The following ARNT2 variants were observed in gnomAD, a reference collection of about 807,000 sequenced individuals.
ARNT2 encodes the protein aryl hydrocarbon receptor nuclear translocator 2, also known as ARNT protein 2.
Under a neutral mutation model 91.7 loss-of-function variants are expected in ARNT2, and 36 were observed. The ratio of observed to expected loss-of-function variants is 0.39; its 90% CI spans 0.30 to 0.52. The LOEUF (loss-of-function observed/expected upper bound fraction) is 0.52. Among genes scored for constraint, ARNT2 ranks in the 20% least tolerant of loss-of-function variants. ARNT2 has a pLI of 0.72. For missense variants in ARNT2, 775 were observed against 939.3 expected (o/e 0.83, Z 2.29); for synonymous variants, 365 against 347.1 (o/e 1.05, Z -0.57).
At chr15:80,576,523 T>C (rs1898677665) in intron 14 of ARNT2, among the ~76,000 whole-genome samples, 1 of 152,188 alleles carries the variant, frequency 6.6e-6, no homozygotes, top group East Asian at 1.9e-4. Flanking sequence ...GTGATCCGCC[T>C]GCCTCAGCCT....
chr15:80,559,571 A>G (rs1275676491), intron 11 of ARNT2, among the ~76,000 whole-genome samples: 1 of 152,232 alleles, frequency 6.6e-6, no homozygotes, highest in Non-Finnish European at 1.5e-5. Flanking sequence ...AAGCACTTGA[A>G]TAGCCCAGAC....
intron 15 of ARNT2, 120 bp from the exon 16 acceptor site, chr15:80,580,291 C>T (rs1450109426): frequency 7.1e-6 from 9 of 1,264,346 alleles, no homozygotes; most frequent in East Asian, 4.7e-5. Flanking sequence ...TCTCTAGTGA[C>T]GTGCTGCATG....
intron 5 of ARNT2, among the ~76,000 whole-genome samples, chr15:80,487,020 C>T (rs1355269258): frequency 6.6e-6 from 1 of 152,136 alleles, no homozygotes; most frequent in African/African-American, 2.4e-5. Flanking sequence ...CTGAAGCTAC[C>T]CTAGGTGGGA....
rs150964641 is a variant in ARNT2 at position 80,563,151 on chromosome 15, T to A, written c.1228T>A (p.Trp410Arg). 233 of 1,613,610 alleles carry A rather than the reference T, an allele frequency of 1.4e-4. No homozygotes were observed. Among genetic ancestry groups the A allele is most frequent in the Non-Finnish European group, 1.5e-4 (175 of 1,179,912 alleles). ...TCGATTTCGCACCAAGAACCGGGAGTGGATGTTGATCCGCACCAGCAGCTT... is the reference window on the plus strand; with the variant it reads ...TCGATTTCGCACCAAGAACCGGGAGAGGATGTTGATCCGCACCAGCAGCTT... The part of the protein sequence containing the change: ...MYRFRTKNRE[W>R]MLIRTSSFTF... The change falls in exon 12 of 19, where the codon TGG (tryptophan) becomes AGG (arginine). Residue 410 changes from tryptophan (W) to arginine (R), a missense_variant. Physicochemically the swap from Trp to Arg is moderately radical, Grantham distance 101 (BLOSUM62 -3). Around this residue, in one of 5 missense-constraint regions of ARNT2, gnomAD observed 285 missense variants for 327.2 expected, o/e 0.87. Transcript: ENST00000303329.
In ARNT2 at chr15:80,593,484, G is replaced by A; in HGVS notation, c.2056-116G>A. Reference sequence around the variant, plus strand: ...CGCAGAAGGCTGGGGAGGACCTCTGGGCTGCCCCTTTAGGGATGGCCATGA... The same window carrying A: ...CGCAGAAGGCTGGGGAGGACCTCTGAGCTGCCCCTTTAGGGATGGCCATGA... On this transcript the variant is annotated intron_variant, in intron 18 of 18. Coordinates refer to ENST00000303329, the MANE Select transcript of ARNT2 (RefSeq NM_014862.4). 2.6e-6 allele frequency: 2 copies of A among 775,396 alleles called. 1 individual carries two copies. Among genetic ancestry groups the A allele is most frequent in the South Asian group, 3.5e-5 (2 of 56,814 alleles). The allele number at this position is 775,396 out of a possible 1,614,324, so 48.0% of individuals were successfully genotyped here.
At chr15:80,557,193 C>T (rs1047777714) in intron 11 of ARNT2, among the ~76,000 whole-genome samples, 2 of 152,176 alleles carry the variant, frequency 1.3e-5, no homozygotes. Context: ...TCCCTGCACA[C>T]TCTGCTCCTT....
At chr15:80,561,907 TCTTA>T (rs1898363420) in intron 11 of ARNT2, among the ~76,000 whole-genome samples, 1 of 152,194 alleles carries the variant, frequency 6.6e-6, no homozygotes, top group South Asian at 2.1e-4. Context: ...GCTGTTAATC[TCTTA>T]CTGTTTCTAA....
chr15:80,497,838 C>G (rs778956192), intron 5 of ARNT2, among the ~76,000 whole-genome samples: 1 of 152,186 alleles, frequency 6.6e-6, no homozygotes, highest in Non-Finnish European at 1.5e-5. Flanking sequence ...CTTTACTCAG[C>G]AAGTGAGGAA....
intron 2 of ARNT2, among the ~76,000 whole-genome samples, chr15:80,452,578 T>C (rs914139353): frequency 3.3e-5 from 5 of 152,248 alleles, no homozygotes; most frequent in African/African-American, 1.2e-4. Context: ...TAAATGTCTA[T>C]GTGCACTCTA....
intron 8 of ARNT2, among the ~76,000 whole-genome samples, chr15:80,546,346 C>T (rs1897991329): frequency 6.6e-6 from 1 of 152,224 alleles, no homozygotes; most frequent in Admixed American, 6.5e-5. Flanking sequence ...AAGCCATGCT[C>T]ATGACTTCTG....
rs181563510 is a variant in ARNT2 at position 80,543,605 on chromosome 15, A to G, written c.878-7594A>G. Among the ~76,000 whole-genome samples the G allele has an allele frequency of 5.3e-5, 8 of 152,294 alleles. No homozygotes were observed. The East Asian group carries it at 5.8e-4, about 11-fold the overall frequency. The stretch of plus-strand genomic sequence containing the variant: ...GTATTAGGCCACTTGAAGTTTTCCA[A>G]TGAGATCACTGATACTCATTTTATT... On this transcript the variant is annotated intron_variant, in intron 8 of 18. Transcript: ENST00000303329.
At chr15:80,498,563 G>A (rs1039376922) in intron 5 of ARNT2, among the ~76,000 whole-genome samples, 4 of 152,184 alleles carry the variant, frequency 2.6e-5, no homozygotes, top group Admixed American at 1.3e-4. Flanking sequence ...AACCGTGCCT[G>A]CCATTAGGGG....
intron 15 of ARNT2, among the ~76,000 whole-genome samples, chr15:80,577,187 A>G (rs1898692411): frequency 6.6e-6 from 1 of 152,182 alleles, no homozygotes; most frequent in Admixed American, 6.5e-5. Flanking sequence ...TTGGATGTGA[A>G]CAGCACCAGC....
intron 1 of ARNT2, among the ~76,000 whole-genome samples, chr15:80,407,751 T>C (rs1334748989): frequency 6.6e-6 from 1 of 152,170 alleles, no homozygotes; most frequent in Non-Finnish European, 1.5e-5. Context: ...CCTTTTTGAA[T>C]GACATTTAAG....
chr15:80,450,958 G>C lies in ARNT2; in HGVS notation c.110G>C (p.Gly37Ala). 6.2e-7 allele frequency: 1 copy of C among 1,614,106 alleles called. No homozygotes were observed. Among genetic ancestry groups the C allele is most frequent in the Non-Finnish European group, 8.5e-7 (1 of 1,180,022 alleles). The change falls in exon 2 of 19, where the codon GGG becomes GCG. Residue 37 changes from glycine (G) to alanine (A), a missense_variant. By Grantham distance (60) the Gly-to-Ala change is moderately conservative. Transcript: ENST00000303329. ...MAATGQVRMA[G>A]AMPARGGKRR... The stretch of plus-strand genomic sequence containing the variant: ...GCCACCGGACAGGTGAGGATGGCGG[G>C]GGCCATGCCTGCCCGTGGAGGAAAG...
intron 1 of ARNT2, among the ~76,000 whole-genome samples, chr15:80,410,576 A>G (rs145753766): frequency 1.8e-3 from 272 of 152,262 alleles, no homozygotes; most frequent in Non-Finnish European, 2.6e-3. Flanking sequence ...AGGTTCTCTA[A>G]ATGCTTTCCT....
chr15:80,574,965 G>A, intron 13 of ARNT2, 22 bp from the exon 14 acceptor site: 1 of 1,612,502 alleles, frequency 6.2e-7, no homozygotes, highest in Non-Finnish European at 8.5e-7. Context: ...TTGCTGTTGT[G>A]TTTTATTTAA....
At chr15:80,469,156 G>A (rs1566980967) in intron 3 of ARNT2, among the ~76,000 whole-genome samples, 1 of 152,172 alleles carries the variant, frequency 6.6e-6, no homozygotes, top group Non-Finnish European at 1.5e-5. Flanking sequence ...TTGTCTTAGA[G>A]TCGTTGAACT....
chr15:80,541,658 T>G (rs897330694), intron 8 of ARNT2, among the ~76,000 whole-genome samples: 5 of 152,248 alleles, frequency 3.3e-5, no homozygotes, highest in Non-Finnish European at 7.3e-5. Context: ...AGGATATTTG[T>G]GTTTTTGTTA....
Sources: gnomAD v4.1 joint callset for allele counts (sites outside exome capture counted in the v4.1 genomes callset) on GRCh38, gnomAD v4.1.1 for gene constraint, gnomAD v4.1.1 regional missense constraint, MANE v1.5 for transcripts, NCBI Gene and HGNC (gene_info 2026-07-23, HGNC 2026-07-21) for gene names.